Variants in KCNH7 observed in about 807,000 individuals in gnomAD.
KCNH7 encodes potassium voltage-gated channel subfamily H member 7, also known as voltage-gated inwardly rectifying potassium channel KCNH7.
In KCNH7, 49 loss-of-function variants were observed where a neutral mutation model predicts 120.8. The observed-to-expected ratio is 0.41, with a 90% CI of 0.32 to 0.51. The LOEUF (loss-of-function observed/expected upper bound fraction) is 0.51. Among genes scored for constraint, KCNH7 ranks in the 20% least tolerant of loss-of-function variants. The pLI, the probability that KCNH7 is intolerant of heterozygous loss-of-function variation, is 0.38. For missense variants in KCNH7, 1,097 were observed against 1,446.6 expected (o/e 0.76, Z 3.92); for synonymous variants, 547 against 516.1 (o/e 1.06, Z -0.81).
intron 6 of KCNH7, among the ~76,000 whole-genome samples, chr2:162,478,191 C>G (rs1344065855): frequency 2.6e-5 from 4 of 152,152 alleles, no homozygotes. Flanking sequence ...CTTCACACAC[C>G]TGGATTAACT....
intron 2 of KCNH7, among the ~76,000 whole-genome samples, chr2:162,588,449 C>G (rs1227565575): frequency 6.6e-6 from 1 of 151,946 alleles, no homozygotes; most frequent in African/African-American, 2.4e-5. Context: ...TTTCCTTATA[C>G]CCCCTCAAAA....
intron 2 of KCNH7, among the ~76,000 whole-genome samples, chr2:162,698,557 C>T (rs1391420425): frequency 6.6e-6 from 1 of 151,772 alleles, no homozygotes; most frequent in African/African-American, 2.4e-5. Context: ...AATTAGAGAC[C>T]TCTAAGAATC....
At chr2:162,701,835 C>T (rs150735151) in intron 2 of KCNH7, among the ~76,000 whole-genome samples, 76 of 152,090 alleles carry the variant, frequency 5.0e-4, no homozygotes, top group Non-Finnish European at 5.9e-5. Context: ...GGTGAAACCC[C>T]ATCTCTACTA....
intron 2 of KCNH7, among the ~76,000 whole-genome samples, chr2:162,589,371 G>A (rs1189355008): frequency 1.3e-5 from 2 of 152,006 alleles, no homozygotes; most frequent in African/African-American, 4.8e-5. Context: ...TAGATGCATT[G>A]CCATGATCCT....
chr2:162,590,383 C>A (rs1412751589), intron 2 of KCNH7, among the ~76,000 whole-genome samples: 1 of 151,988 alleles, frequency 6.6e-6, no homozygotes, highest in African/African-American at 2.4e-5. Context: ...TTAAAAACTG[C>A]AATTGGAGAC....
At chr2:162,827,070 C>T (rs747512825) in intron 2 of KCNH7, among the ~76,000 whole-genome samples, 44 of 152,008 alleles carry the variant, frequency 2.9e-4, no homozygotes, top group Admixed American at 1.4e-3. Flanking sequence ...TTAGGAGGAG[C>T]TCAGGGAAAT....
chr2:162,485,932 C>T (rs1690082025), intron 6 of KCNH7, among the ~76,000 whole-genome samples: 1 of 152,164 alleles, frequency 6.6e-6, no homozygotes, highest in South Asian at 2.1e-4. Context: ...CACTCAATCT[C>T]ACTGAACTTT....
At chr2:162,654,237 C>T (rs1684666817) in intron 2 of KCNH7, among the ~76,000 whole-genome samples, 1 of 151,578 alleles carries the variant, frequency 6.6e-6, no homozygotes, top group Admixed American at 6.6e-5. Flanking sequence ...TATTTACAAA[C>T]CATACATTTG....
chr2:162,648,200 C>T (rs1400251411), intron 2 of KCNH7, among the ~76,000 whole-genome samples: 1 of 152,088 alleles, frequency 6.6e-6, no homozygotes, highest in East Asian at 1.9e-4. Context: ...ATGCAGGAAG[C>T]ATGGTTGGGA....
rs189664587 is a variant in KCNH7 at position 162,629,982 on chromosome 2, T to G, written c.308-92902A>C. Among the ~76,000 whole-genome samples, 14 of 152,184 alleles carry G rather than the reference T, an allele frequency of 9.2e-5. No individual in the cohort carries two copies. The East Asian group carries it at 2.7e-3, about 29-fold the overall frequency. ...GATTTTACTGACTGAAATAAGTAAT[T>G]TATATTTCAGTTTTCAGAGGCAGAA... is the stretch of plus-strand genomic sequence containing the variant. On this transcript the variant is annotated intron_variant, in intron 2 of 15. Transcript: ENST00000332142.
At chr2:162,456,151 G>A (rs1031349739) in intron 6 of KCNH7, among the ~76,000 whole-genome samples, 1 of 151,814 alleles carries the variant, frequency 6.6e-6, no homozygotes, top group Admixed American at 6.6e-5. Context: ...TGTTCTCATT[G>A]GTTTCAAAGA....
At chr2:162,515,800 C>T (rs62188236) in intron 4 of KCNH7, among the ~76,000 whole-genome samples, 1 of 151,578 alleles carries the variant, frequency 6.6e-6, no homozygotes, top group Non-Finnish European at 1.5e-5. Flanking sequence ...TCCTTTTGAC[C>T]TTCTTTGGCC....
chr2:162,723,780 C>A (rs2105378192), intron 2 of KCNH7, among the ~76,000 whole-genome samples: 1 of 152,144 alleles, frequency 6.6e-6, no homozygotes, highest in East Asian at 1.9e-4. Context: ...TCTTGTTACC[C>A]ACAGGTGGTG....
At chr2:162,718,070 C>T (rs1217786868) in intron 2 of KCNH7, among the ~76,000 whole-genome samples, 2 of 151,242 alleles carry the variant, frequency 1.3e-5, no homozygotes, top group South Asian at 2.1e-4. Context: ...TTTAATCACA[C>T]ATCACTAGAT....
At chr2:162,386,058 A>C (rs749011416) in intron 12 of KCNH7, among the ~76,000 whole-genome samples, 11 of 151,892 alleles carry the variant, frequency 7.2e-5, no homozygotes, top group Non-Finnish European at 1.5e-4. Flanking sequence ...AGTTGAATCT[A>C]GCAAATGCAG....
intron 2 of KCNH7, among the ~76,000 whole-genome samples, chr2:162,565,617 G>A (rs920678984): frequency 1.2e-4 from 18 of 152,088 alleles, no homozygotes; most frequent in African/African-American, 4.3e-4. Flanking sequence ...TTATCCTGAT[G>A]CTATAAAATG....
intron 2 of KCNH7, among the ~76,000 whole-genome samples, chr2:162,752,869 C>A (rs1414160980): frequency 7.3e-6 from 1 of 136,928 alleles, no homozygotes; most frequent in South Asian, 2.4e-4. Context: ...CCATTGCACT[C>A]CAGCCTGGGC....
At chr2:162,373,826 G>C (rs567093095) in intron 14 of KCNH7, among the ~76,000 whole-genome samples, 164 bp from the exon 15 acceptor site, 7 of 152,286 alleles carry the variant, frequency 4.6e-5, no homozygotes, top group African/African-American at 1.7e-4. Flanking sequence ...GATACTTACT[G>C]TGTATGTCTC....
intron 2 of KCNH7, among the ~76,000 whole-genome samples, chr2:162,647,201 T>C (rs1369523173): frequency 6.6e-6 from 1 of 152,172 alleles, no homozygotes; most frequent in South Asian, 2.1e-4. Flanking sequence ...CCCAAACTGC[T>C]AAGAGATTTA....
Sources: gnomAD v4.1 joint callset for allele counts (sites outside exome capture counted in the v4.1 genomes callset) on GRCh38, gnomAD v4.1.1 for gene constraint, MANE v1.5 for transcripts, NCBI Gene and HGNC (gene_info 2026-07-23, HGNC 2026-07-21) for gene names.